Variants in RGS7 observed in about 807,000 individuals in gnomAD.
RGS7 encodes regulator of G protein signaling 7.
RGS7 carries 27 observed loss-of-function variants against 81.1 expected under a neutral mutation model. The ratio of observed to expected loss-of-function variants is 0.33; its 90% confidence interval spans 0.25 to 0.46. The LOEUF is 0.46. Among genes scored for constraint, RGS7 ranks in the 20% least tolerant of loss-of-function variants. RGS7 has a pLI of 1.00. For missense variants in RGS7, 396 were observed against 607.4 expected (o/e 0.65, Z 3.66); for synonymous variants, 208 against 207.7 (o/e 1.00, Z -0.01).
chr1:241,243,951 G>A (rs1181245636), intron 2 of RGS7, among the ~76,000 whole-genome samples: 1 of 152,086 alleles, frequency 6.6e-6, no homozygotes, highest in Non-Finnish European at 1.5e-5. Context: ...ATTTTTCAGG[G>A]TACACAGGTG....
intron 3 of RGS7, among the ~76,000 whole-genome samples, chr1:240,997,172 T>C (rs915262194): frequency 1.3e-5 from 2 of 152,114 alleles, no homozygotes; most frequent in African/African-American, 4.8e-5. Context: ...AGACAGGGTC[T>C]TGTTATGTTG....
intron 2 of RGS7, among the ~76,000 whole-genome samples, chr1:241,246,778 TGTA>T (rs1302727208): frequency 6.6e-6 from 1 of 152,074 alleles, no homozygotes; most frequent in African/African-American, 2.4e-5. Context: ...TTGAACACAC[TGTA>T]AATCTTGTAG....
chr1:241,043,663 A>G (rs1277422088), intron 3 of RGS7, among the ~76,000 whole-genome samples: 3 of 145,266 alleles, frequency 2.1e-5, no homozygotes, highest in Non-Finnish European at 3.0e-5. Context: ...TTTATATAAT[A>G]TTATGTTATA....
chr1:240,873,472 C>A (rs1664839159), intron 6 of RGS7, among the ~76,000 whole-genome samples: 2 of 152,072 alleles, frequency 1.3e-5, no homozygotes, highest in South Asian at 4.1e-4. Flanking sequence ...TTTGGGCAGG[C>A]CTGAAGTGCT....
At chr1:241,247,558 C>T (rs913313587) in intron 2 of RGS7, among the ~76,000 whole-genome samples, 4 of 152,080 alleles carry the variant, frequency 2.6e-5, no homozygotes, top group Non-Finnish European at 2.9e-5. Context: ...TAACTAGCCA[C>T]GGAGGGTCAA....
intron 2 of RGS7, among the ~76,000 whole-genome samples, chr1:241,212,300 G>A (rs2074287476): frequency 6.6e-6 from 1 of 152,060 alleles, no homozygotes; most frequent in South Asian, 2.1e-4. Context: ...TGTATCACTA[G>A]TCAAGTGTTT....
intron 18 of RGS7, among the ~76,000 whole-genome samples, chr1:240,781,118 G>C (rs984655059): frequency 1.3e-5 from 2 of 151,688 alleles, no homozygotes; most frequent in Admixed American, 6.6e-5. Context: ...CTAGTACTTG[G>C]CCTGATATGG....
chr1:241,310,435 CTGTGTGTGTGAG>C (rs1426310647), intron 2 of RGS7, among the ~76,000 whole-genome samples: 2 of 115,344 alleles, frequency 1.7e-5, no homozygotes, highest in Non-Finnish European at 4.0e-5. Context: ...GTATGTGTGT[CTGTGTGTGTGAG>C]TGTGTGTGTG....
intron 3 of RGS7, among the ~76,000 whole-genome samples, chr1:241,012,004 G>C (rs1281966603): frequency 6.6e-6 from 1 of 151,956 alleles, no homozygotes; most frequent in African/African-American, 2.4e-5. Flanking sequence ...TTTGCGCTGT[G>C]GTCTTGCCCT....
At chr1:241,013,053 C>CTTTTTT (rs146066815) in intron 3 of RGS7, among the ~76,000 whole-genome samples, 2 of 80,332 alleles carry the variant, frequency 2.5e-5, no homozygotes, top group African/African-American at 9.2e-5. Context: ...CTGACCCCTC[C>CTTTTTT]TTTTTTTTTT....
intron 9 of RGS7, among the ~76,000 whole-genome samples, chr1:240,841,063 C>A (rs1657876506): frequency 6.6e-6 from 1 of 152,162 alleles, no homozygotes; most frequent in Non-Finnish European, 1.5e-5. Context: ...AACAAATACT[C>A]CAATTCTTCA....
intron 2 of RGS7, among the ~76,000 whole-genome samples, chr1:241,132,786 G>A (rs920103305): frequency 1.0e-4 from 15 of 148,986 alleles, no homozygotes; most frequent in Non-Finnish European, 3.0e-5. Flanking sequence ...TGTTTTAGAC[G>A]GAGTCTAGCT....
intron 3 of RGS7, among the ~76,000 whole-genome samples, chr1:241,029,451 A>G (rs2059959352): frequency 6.6e-6 from 1 of 152,240 alleles, no homozygotes; most frequent in Non-Finnish European, 1.5e-5. Context: ...TGACAAGTCA[A>G]ACATTTTGGA....
At chr1:241,192,312 C>G (rs1177687825) in intron 2 of RGS7, among the ~76,000 whole-genome samples, 2 of 148,652 alleles carry the variant, frequency 1.3e-5, no homozygotes, top group South Asian at 4.2e-4. Flanking sequence ...TTTGATTTGG[C>G]TTGGTTTTAT....
chr1:241,262,481 G>C (rs1310489948), intron 2 of RGS7, among the ~76,000 whole-genome samples: 2 of 152,236 alleles, frequency 1.3e-5, no homozygotes. Context: ...AGCCTCATGA[G>C]AAAGTTGTTT....
intron 2 of RGS7, among the ~76,000 whole-genome samples, chr1:241,243,042 C>G (rs1195507164): frequency 2.0e-5 from 3 of 151,900 alleles, no homozygotes; most frequent in African/African-American, 7.3e-5. Flanking sequence ...TTGTGTGTGT[C>G]TTTTGTTTTT....
At chr1:241,356,318 A>T (rs1037850872) in intron 1 of RGS7, among the ~76,000 whole-genome samples, 1 of 152,078 alleles carries the variant, frequency 6.6e-6, no homozygotes, top group Non-Finnish European at 1.5e-5. Flanking sequence ...TCCCGGTGTC[A>T]TTCTCCAGCG....
At chr1:240,861,924 C>T (rs570220537) in intron 9 of RGS7, among the ~76,000 whole-genome samples, 57 of 152,164 alleles carry the variant, frequency 3.7e-4, no homozygotes, top group Admixed American at 7.8e-4. Context: ...TGTTAAAATC[C>T]TGTTAATACA....
chr1:241,050,584 C>T (rs1221293828), intron 3 of RGS7, among the ~76,000 whole-genome samples: 1 of 152,098 alleles, frequency 6.6e-6, no homozygotes, highest in Non-Finnish European at 1.5e-5. Context: ...ACAAGTGACC[C>T]TTGAACCACA....
Sources: allele counts gnomAD v4.1 joint callset (sites outside exome capture counted in the v4.1 genomes callset), GRCh38; gene constraint gnomAD v4.1.1; transcripts MANE v1.5; gene names NCBI Gene and HGNC (gene_info 2026-07-23, HGNC 2026-07-21).